Variants in CALN1 observed in about 807,000 individuals in gnomAD.
CALN1 encodes the protein calcium-binding protein 8.
In CALN1, 17 loss-of-function variants were observed where a neutral mutation model predicts 30.6. The observed-to-expected ratio is 0.56, with a 90% confidence interval of 0.38 to 0.83. The LOEUF (loss-of-function observed/expected upper bound fraction) is 0.83, where lower values mean the gene tolerates loss of function less well. CALN1 is among the 40% of genes least tolerant of loss of function. The pLI is 0.00. For missense variants in CALN1, 291 were observed against 354.9 expected (o/e 0.82, Z 1.45); for synonymous variants, 156 against 131.4 (o/e 1.19, Z -1.28).
In CALN1 at chr7:72,280,207, A is replaced by C. The variant is rs117413430; in HGVS notation, c.120-1397T>G. On this transcript the variant is annotated intron_variant, in intron 2 of 6. Coordinates refer to ENST00000395275, the MANE Select transcript of CALN1 (RefSeq NM_031468.4). ...CTTTCTGGTTTCTCTATTTCTATCA[A>C]AGGTGCTTTTCGCTCATCACAACAA... Among the ~76,000 whole-genome samples, 615 of 152,252 alleles carry C rather than the reference A, an allele frequency of 4.0e-3. 2 individuals carry two copies. The highest frequency in any genetic ancestry group is 6.2e-3 in the Non-Finnish European group (422 of 68,014).
At chr7:72,271,563 T>TAAAAAAAAAAAAAAAA (rs1426004146) in intron 3 of CALN1, among the ~76,000 whole-genome samples, 2 of 76,264 alleles carry the variant, frequency 2.6e-5, no homozygotes, top group African/African-American at 7.9e-5. Context: ...TGCCTGCCTT[T>TAAAAAAAAAAAAAAAA]TAAAAAAAAA....
At chr7:72,464,946 C>T in the CALN1 span, among the ~76,000 whole-genome samples, 1 of 152,176 alleles carries the variant, frequency 6.6e-6, no homozygotes, top group South Asian at 2.1e-4. Flanking sequence ...TCATGGCATT[C>T]CAAGAACCTC....
chr7:72,372,165 T>G (rs2129560364), intron 2 of CALN1, among the ~76,000 whole-genome samples: 1 of 152,306 alleles, frequency 6.6e-6, no homozygotes, highest in South Asian at 2.1e-4. Context: ...TATTTCTTTC[T>G]TTTCCTTTTC....
chr7:72,182,585 T>C (rs1789890619), intron 3 of CALN1, among the ~76,000 whole-genome samples: 1 of 152,072 alleles, frequency 6.6e-6, no homozygotes, highest in African/African-American at 2.4e-5. Flanking sequence ...TTAGACGTGG[T>C]GGCACACACC....
intron 2 of CALN1, among the ~76,000 whole-genome samples, chr7:72,331,045 C>G (rs1429655533): frequency 6.6e-6 from 1 of 152,172 alleles, no homozygotes; most frequent in African/African-American, 2.4e-5. Context: ...CTTCCAGTTT[C>G]CTTTCAGAAA....
chr7:72,166,153 G>T (rs1453348726), intron 3 of CALN1, among the ~76,000 whole-genome samples: 2 of 152,090 alleles, frequency 1.3e-5, no homozygotes, highest in Admixed American at 1.3e-4. Context: ...TTCAAACAAA[G>T]GTGTCTCAGG....
intron 5 of CALN1, among the ~76,000 whole-genome samples, chr7:71,996,032 C>G (rs1420694107): frequency 6.6e-6 from 1 of 152,098 alleles, no homozygotes; most frequent in African/African-American, 2.4e-5. Flanking sequence ...CCAGGAGGAA[C>G]CACTGGGACC....
intron 2 of CALN1, among the ~76,000 whole-genome samples, chr7:72,351,543 C>T (rs575057627): frequency 1.3e-5 from 2 of 152,012 alleles, no homozygotes; most frequent in South Asian, 2.1e-4. Flanking sequence ...AAAACATGTA[C>T]GACAGCTACA....
chr7:72,143,519 G>A (rs1489161052), intron 3 of CALN1, among the ~76,000 whole-genome samples: 7 of 152,170 alleles, frequency 4.6e-5, no homozygotes, highest in East Asian at 1.9e-4. Context: ...TGAAAGTGAC[G>A]GGGAGAATGG....
At chr7:72,296,948 G>A (rs1036922318) in intron 2 of CALN1, among the ~76,000 whole-genome samples, 4 of 151,718 alleles carry the variant, frequency 2.6e-5, no homozygotes, top group East Asian at 1.9e-4. Context: ...TAATTGTGAT[G>A]TTAGGGTGTC....
intron 3 of CALN1, among the ~76,000 whole-genome samples, chr7:72,183,689 A>T (rs1789980464): frequency 6.6e-6 from 1 of 152,218 alleles, no homozygotes; most frequent in Non-Finnish European, 1.5e-5. Flanking sequence ...TGCAAAAGAC[A>T]TCTTGGAGAA....
intron 5 of CALN1, among the ~76,000 whole-genome samples, chr7:72,001,475 G>A (rs1240078056): frequency 6.6e-6 from 1 of 152,198 alleles, no homozygotes; most frequent in Non-Finnish European, 1.5e-5. Context: ...CCTCTCCTAG[G>A]TGCTGGCAGG....
chr7:72,312,376 G>C (rs1800111405), intron 2 of CALN1, among the ~76,000 whole-genome samples: 1 of 136,050 alleles, frequency 7.4e-6, no homozygotes, highest in Non-Finnish European at 1.5e-5. Flanking sequence ...CTAGACAACA[G>C]AGTGAGACTT....
At chr7:71,891,914 A>G (rs1003601639) in intron 5 of CALN1, among the ~76,000 whole-genome samples, 2 of 152,116 alleles carry the variant, frequency 1.3e-5, no homozygotes, top group Admixed American at 1.3e-4. Flanking sequence ...ACTGCACTCC[A>G]GCCTGGGCAA....
At chr7:71,874,747 G>A (rs1179287079) in intron 5 of CALN1, among the ~76,000 whole-genome samples, 2 of 152,166 alleles carry the variant, frequency 1.3e-5, no homozygotes, top group East Asian at 3.8e-4. Flanking sequence ...GACTGGTCTA[G>A]GGCAAATAAG....
At chr7:71,888,119 T>C (rs1258290668) in intron 5 of CALN1, among the ~76,000 whole-genome samples, 1 of 151,848 alleles carries the variant, frequency 6.6e-6, no homozygotes, top group Non-Finnish European at 1.5e-5. Context: ...CTCCCAGAGT[T>C]TGGGGGCAAT....
At chr7:71,979,002 C>G (rs1798250417) in intron 5 of CALN1, among the ~76,000 whole-genome samples, 1 of 152,130 alleles carries the variant, frequency 6.6e-6, no homozygotes, top group African/African-American at 2.4e-5. Context: ...CACAGTGTCT[C>G]CCTCCAGAGA....
chr7:72,082,607 G>T (rs1285719821), intron 4 of CALN1, among the ~76,000 whole-genome samples: 2 of 152,182 alleles, frequency 1.3e-5, no homozygotes, highest in Non-Finnish European at 2.9e-5. Context: ...AAGCTTGGCA[G>T]CTCCACTATA....
At chr7:72,134,392 A>G (rs1301667941) in intron 3 of CALN1, among the ~76,000 whole-genome samples, 1 of 152,222 alleles carries the variant, frequency 6.6e-6, no homozygotes, top group Non-Finnish European at 1.5e-5. Context: ...GATGGGAGAA[A>G]ACAGAAGAGA....
Sources: allele counts gnomAD v4.1 joint callset (sites outside exome capture counted in the v4.1 genomes callset), GRCh38; gene constraint gnomAD v4.1.1; transcripts MANE v1.5; gene names NCBI Gene and HGNC (gene_info 2026-07-23, HGNC 2026-07-21).